The following ZSWIM5 variants were observed in gnomAD, a reference collection of about 807,000 sequenced individuals.
The protein encoded by ZSWIM5 is zinc finger SWIM-type containing 5.
ZSWIM5 carries 55 observed loss-of-function variants against 119.6 expected under a neutral mutation model. That is an observed-to-expected ratio of 0.46 (90% CI 0.37 to 0.58). The LOEUF (loss-of-function observed/expected upper bound fraction) is 0.58, where lower values mean the gene tolerates loss of function less well. Ranked by LOEUF, ZSWIM5 falls within the 20% of genes least tolerant of loss-of-function variation. ZSWIM5 has a pLI of 0.00. For synonymous variants in ZSWIM5, 537 were observed against 606.9 expected, an observed-to-expected ratio of 0.88 and a Z score of 1.69; for missense variants, 1,193 against 1,512.8, an observed-to-expected ratio of 0.79 and a Z score of 3.51.
At chr1:45,083,739 A>C (rs1437723115) in intron 2 of ZSWIM5, among the ~76,000 whole-genome samples, 1 of 152,178 alleles carries the variant, frequency 6.6e-6, no homozygotes, top group Admixed American at 6.5e-5. Context: ...AATAACTGAA[A>C]CTGGGTAATT....
At position 45,082,110 on chromosome 1, in the gene ZSWIM5, A is replaced by G. The variant is rs1645296809; in HGVS notation, c.952+5771T>C. 1.3e-5 allele frequency among the ~76,000 whole-genome samples: 2 copies of G among 151,762 alleles called. 1 individual carries two copies. Among genetic ancestry groups the G allele is most frequent in the South Asian group, 4.1e-4 (2 of 4,822 alleles). On this transcript the variant is annotated intron_variant, in intron 2 of 13. Coordinates refer to ENST00000359600, the MANE Select transcript of ZSWIM5 (RefSeq NM_020883.2). ...AGGGCGATGCAAGATGTGCTTTGTT[A>G]AACAGATGCTTGAAGGCAGCATGCT... is the stretch of plus-strand genomic sequence containing the variant.
At chr1:45,191,782 CATA>C (rs1646094574) in intron 1 of ZSWIM5, among the ~76,000 whole-genome samples, 1 of 152,308 alleles carries the variant, frequency 6.6e-6, no homozygotes, top group East Asian at 1.9e-4. Flanking sequence ...CTCTACGAAA[CATA>C]ATGTTTGAAG....
intron 11 of ZSWIM5, among the ~76,000 whole-genome samples, chr1:45,028,222 T>C (rs1321450952): frequency 6.6e-6 from 1 of 152,248 alleles, no homozygotes; most frequent in Admixed American, 6.5e-5. Context: ...CTAATTTACC[T>C]ATCTATATTT....
In ZSWIM5 at chr1:45,088,096, G is replaced by C. The variant is rs752274341; in HGVS notation, c.737C>G (p.Ala246Gly). 2 of 1,614,114 alleles carry C rather than the reference G, an allele frequency of 1.2e-6. No individual in the cohort carries two copies. The highest frequency in any genetic ancestry group is 3.3e-5 in the Admixed American group (2 of 60,012). Reference protein sequence around the residue: ...GCGNKDIFYCAHVVALSLYRI... With the variant: ...GCGNKDIFYCGHVVALSLYRI... ...GTAGAGTGAGAGTGCTACCACATGG[G>C]CACAGTAGAATATGTCCTTGTTCCC... The change falls in exon 2 of 14, where the codon GCC becomes GGC. Residue 246 changes from alanine to glycine, a missense_variant. Ala to Gly is a moderately conservative substitution (Grantham distance 60). Transcript: ENST00000359600. The surrounding 1 kb of genome is among the most constrained non-coding windows in gnomAD (Gnocchi z 4.2).
chr1:45,088,285 A>C lies in ZSWIM5; in HGVS notation c.596-48T>G. Reference sequence around the variant, plus strand: ...GTGTTTAGAGATTCTAGAGTAATAAACTTAGATTCTCATTTTACATGTAAA... The same window carrying C: ...GTGTTTAGAGATTCTAGAGTAATAACCTTAGATTCTCATTTTACATGTAAA... On this transcript the variant is annotated intron_variant, in intron 1 of 13. Coordinates refer to ENST00000359600, the MANE Select transcript of ZSWIM5 (RefSeq NM_020883.2). The surrounding 1 kb of genome is among the most constrained non-coding windows in gnomAD (Gnocchi z 4.2). 1 of 1,329,274 alleles carries C rather than the reference A, an allele frequency of 7.5e-7. No individual in the cohort carries two copies. Among genetic ancestry groups the C allele is most frequent in the Non-Finnish European group, 1.0e-6 (1 of 968,186 alleles). The allele number at this position is 1,329,274 out of a possible 1,614,324, so 82.3% of individuals were successfully genotyped here. A position where few individuals can be genotyped will look rare whatever the true frequency, so the allele number is the denominator to read the frequency against.
rs79259515 is a variant in ZSWIM5, at chr1:45,126,009, A to G, written c.596-37772T>C. Among the ~76,000 whole-genome samples the G allele has an allele frequency of 6.8e-3, 1,036 of 152,180 alleles. 11 individuals carry two copies. The highest frequency in any genetic ancestry group is 0.022 in the African/African-American group (925 of 41,514). ...CTTGAACCCAGGAGCTTGAGGTTAC[A>G]GTGAGCCTTGATTGCACCGCTGCAC... On this transcript the variant is annotated intron_variant, in intron 1 of 13. Coordinates refer to ENST00000359600, the MANE Select transcript of ZSWIM5 (RefSeq NM_020883.2).
At chr1:45,140,433 G>C (rs1645719763) in intron 1 of ZSWIM5, among the ~76,000 whole-genome samples, 1 of 152,050 alleles carries the variant, frequency 6.6e-6, no homozygotes, top group African/African-American at 2.4e-5. Context: ...TGCACAAAAA[G>C]ATACAGCTAA....
At chr1:45,160,847 A>G in intron 1 of ZSWIM5, among the ~76,000 whole-genome samples, 4 of 126,740 alleles carry the variant, frequency 3.2e-5, no homozygotes, top group African/African-American at 3.1e-5. Context: ...TTTTAGACGG[A>G]GTCTCTCTTT....
chr1:45,024,487 C>A (rs892130692), intron 11 of ZSWIM5, among the ~76,000 whole-genome samples: 1 of 151,778 alleles, frequency 6.6e-6, no homozygotes, highest in African/African-American at 2.4e-5. Context: ...CCACTGAGCC[C>A]GGCCTCTTTA....
At position 45,125,431 on chromosome 1, in the gene ZSWIM5, T is replaced by C. The variant is rs1021506644; in HGVS notation, c.596-37194A>G. Among the ~76,000 whole-genome samples the C allele has an allele frequency of 2.6e-5, 4 of 152,016 alleles. No individual in the cohort carries two copies. In the East Asian group the frequency reaches 7.7e-4, roughly 29 times the overall value. ...ATATAACAGACAAAAATTTGTGGAATGCAGGTAGAGCAATGCTGAGAGGGA... is the reference window on the plus strand; with the variant it reads ...ATATAACAGACAAAAATTTGTGGAACGCAGGTAGAGCAATGCTGAGAGGGA... On this transcript the variant is annotated intron_variant, in intron 1 of 13. Coordinates refer to ENST00000359600, the MANE Select transcript of ZSWIM5 (RefSeq NM_020883.2).
intron 1 of ZSWIM5, among the ~76,000 whole-genome samples, chr1:45,142,712 G>C (rs1645734619): frequency 6.6e-6 from 1 of 151,824 alleles, no homozygotes; most frequent in Admixed American, 6.6e-5. Context: ...GGTTTCACAG[G>C]CAAATTCTTC....
Position 45,036,274 on chromosome 1 carries a change from C to T in ZSWIM5, c.1920G>A (p.Val640=), listed in dbSNP as rs201715726. 26 of 1,613,556 alleles carry T rather than the reference C, an allele frequency of 1.6e-5. No individual in the cohort carries two copies. The Admixed American group carries it at 3.7e-4, about 23-fold the overall frequency. ...CTGCAGCCACAGGTACATGCTGGTA[C>T]ACAGGGGGTCTGCTTTCATTCATAT... ...MSDMNESRPP[V]YQHVPVAAGS... is the part of the protein sequence containing the mutation. Residue 640 remains valine, a synonymous_variant, in exon 9 of 14, where the codon GTG becomes GTA. Transcript: ENST00000359600.
chr1:45,131,514 C>T (rs894086477), intron 1 of ZSWIM5, among the ~76,000 whole-genome samples: 8 of 151,768 alleles, frequency 5.3e-5, no homozygotes, highest in Non-Finnish European at 8.8e-5. Flanking sequence ...ACTTAAGCTC[C>T]GGAATTTGAA....
In ZSWIM5 at chr1:45,027,423, A is replaced by C. The variant is rs569648524; in HGVS notation, c.2450-6635T>G. On this transcript the variant is annotated intron_variant, in intron 11 of 13. Coordinates refer to ENST00000359600, the MANE Select transcript of ZSWIM5 (RefSeq NM_020883.2). ...AATTAATTAATTTTTTTTGAGGCAGAGTCTCGCTCTGTCGCCTAAGCTGGA... is the reference window on the plus strand; with the variant it reads ...AATTAATTAATTTTTTTTGAGGCAGCGTCTCGCTCTGTCGCCTAAGCTGGA... Among the ~76,000 whole-genome samples the C allele has an allele frequency of 2.0e-5, 3 of 152,162 alleles. No homozygotes were observed. In the East Asian group the frequency reaches 5.8e-4, roughly 29 times the overall value.
At chr1:45,097,591 C>T (rs1195676903) in intron 1 of ZSWIM5, among the ~76,000 whole-genome samples, 2 of 152,132 alleles carry the variant, frequency 1.3e-5, no homozygotes, top group Admixed American at 6.5e-5. Context: ...TGATTATAGT[C>T]GTGGTAACAG....
chr1:45,019,439 G>A lies in ZSWIM5; in HGVS notation c.2696-123C>T. The A allele has an allele frequency of 7.4e-7, 1 of 1,343,026 alleles. No individual in the cohort carries two copies. Among genetic ancestry groups the A allele is most frequent in the Non-Finnish European group, 1.0e-6 (1 of 1,001,554 alleles). 83.2% of individuals were successfully genotyped at this position (1,343,026 alleles called of 1,614,324 possible). A position where few individuals can be genotyped will look rare whatever the true frequency, so the allele number is the denominator to read the frequency against. ...AATTCTTCCTCCTCAGCAACCTTGA[G>A]ATGATATGAGGCAAACCAGGGCAAG... On this transcript the variant is annotated intron_variant, in intron 13 of 13. Coordinates refer to ENST00000359600, the MANE Select transcript of ZSWIM5 (RefSeq NM_020883.2). The surrounding 1 kb of genome is among the most constrained non-coding windows in gnomAD (Gnocchi z 5.0).
At chr1:45,196,413 G>A (rs112628543) in intron 1 of ZSWIM5, among the ~76,000 whole-genome samples, 12,080 of 118,936 alleles carry the variant, frequency 0.1, 702 homozygotes, top group Non-Finnish European at 0.13. Context: ...TTTTTGAGGC[G>A]GAAGTCTTGC....
At chr1:45,040,272 G>C in intron 7 of ZSWIM5, 120 bp downstream of exon 7, 2 of 1,064,012 alleles carry the variant, frequency 1.9e-6, no homozygotes, top group Non-Finnish European at 2.6e-6. Flanking sequence ...GATAAAGTGA[G>C]GCATTCCACA....
intron 5 of ZSWIM5, among the ~76,000 whole-genome samples, chr1:45,049,151 G>T (rs1411510667): frequency 6.6e-6 from 1 of 152,088 alleles, no homozygotes; most frequent in Admixed American, 6.5e-5. Context: ...ATTAAAAAAA[G>T]AATTATGATC....
Sources: allele counts gnomAD v4.1 joint callset (sites outside exome capture counted in the v4.1 genomes callset), GRCh38; gene constraint gnomAD v4.1.1; non-coding constraint Gnocchi (gnomAD v3.1); transcripts MANE v1.5; gene names NCBI Gene and HGNC (gene_info 2026-07-23, HGNC 2026-07-21).